The following PKD1L3 variants were observed in gnomAD, a reference collection of about 807,000 sequenced individuals.
PKD1L3 encodes polycystin-1-like protein 3.
A neutral mutation model predicts 184.1 loss-of-function variants in PKD1L3; 239 were observed. That is an observed-to-expected ratio of 1.30 (90% CI 1.17 to 1.45). The LOEUF (loss-of-function observed/expected upper bound fraction) is 1.45, where lower values mean the gene tolerates loss of function less well. PKD1L3 is among the 40% of genes most tolerant of loss of function. PKD1L3 has a pLI of 0.00. For missense variants in PKD1L3, 2,660 were observed against 2,067.2 expected (o/e 1.29, Z -5.56); for synonymous variants, 996 against 778.8 (o/e 1.28, Z -4.64).
At chr16:71,975,569 G>A (rs992829812) in intron 11 of PKD1L3, among the ~76,000 whole-genome samples, 4 of 152,044 alleles carry the variant, frequency 2.6e-5, no homozygotes, top group African/African-American at 9.7e-5. Context: ...AACTCATGGT[G>A]CTGTGAGCCT....
intron 10 of PKD1L3, 94 bp from the exon 11 acceptor site, chr16:71,977,561 T>TTCCTC (rs530356269): frequency 0.2 from 77,344 of 383,800 alleles, 2,895 homozygotes; most frequent in South Asian, 0.28. Flanking sequence ...GTCCTAGCTC[T>TTCCTC]TTTTTTTTTT....
chr16:71,939,811 T>A (rs1046241935), intron 24 of PKD1L3, among the ~76,000 whole-genome samples: 1 of 152,156 alleles, frequency 6.6e-6, no homozygotes, highest in Non-Finnish European at 1.5e-5. Flanking sequence ...GGGAACTGAA[T>A]GGACCAGTTT....
intron 7 of PKD1L3, among the ~76,000 whole-genome samples, chr16:71,980,725 C>T (rs577041350): frequency 5.3e-5 from 8 of 152,138 alleles, no homozygotes; most frequent in Non-Finnish European, 1.2e-4. Context: ...GTCTCAGCTA[C>T]TTGGGAGGCT....
In PKD1L3 at chr16:71,942,921, C is replaced by A; in HGVS notation, c.3963G>T (p.Gln1321His). The A allele has an allele frequency of 6.4e-7, 1 of 1,551,546 alleles. No homozygotes were observed. Among genetic ancestry groups the A allele is most frequent in the Admixed American group, 2.0e-5 (1 of 50,990 alleles). The change falls in exon 24 of 30, where the codon CAG (glutamine) becomes CAT (histidine). Residue 1321 changes from glutamine (Q) to histidine (H), a missense_variant. Coordinates refer to ENST00000620267, the MANE Select transcript of PKD1L3 (RefSeq NM_181536.2). ...HQAIWKTFSH[Q>H]FSEIKLLQDF... ...CCTGAAGAAGTTTGATTTCCGAGAA[C>A]TGGTGCGAAAATGTCTTCCAGATAG...
chr16:71,976,698 T>G (rs2039937738), intron 11 of PKD1L3, among the ~76,000 whole-genome samples: 1 of 152,182 alleles, frequency 6.6e-6, no homozygotes. Flanking sequence ...ACAGGAAGAT[T>G]GCTTGAAGCT....
chr16:71,939,414 G>A (rs548934136), intron 24 of PKD1L3, among the ~76,000 whole-genome samples: 101 of 152,316 alleles, frequency 6.6e-4, no homozygotes, highest in African/African-American at 1.1e-3. Context: ...AGGTGCTGCC[G>A]GCCACAGAGG....
intron 12 of PKD1L3, among the ~76,000 whole-genome samples, chr16:71,971,595 A>T (rs1233989052): frequency 6.6e-6 from 1 of 152,212 alleles, no homozygotes; most frequent in East Asian, 1.9e-4. Context: ...CTGTGCTGTG[A>T]GAGGAGAAAA....
intron 22 of PKD1L3, 35 bp from the exon 23 acceptor site, chr16:71,944,205 T>C (rs1356462260): frequency 6.6e-7 from 1 of 1,512,292 alleles, no homozygotes; most frequent in East Asian, 2.5e-5. Flanking sequence ...AAAGAAATGT[T>C]ATATTTCATT....
At chr16:71,992,869 C>T (rs976792212) in intron 3 of PKD1L3, among the ~76,000 whole-genome samples, 1 of 152,134 alleles carries the variant, frequency 6.6e-6, no homozygotes, top group Non-Finnish European at 1.5e-5. Context: ...TGCATCCTTC[C>T]CAAATAGTAC....
chr16:71,933,922 G>A lies in PKD1L3; in HGVS notation c.4817C>T (p.Ala1606Val). The A allele has an allele frequency of 6.4e-7, 1 of 1,551,236 alleles. No homozygotes were observed. The highest frequency in any genetic ancestry group is 8.7e-7 in the Non-Finnish European group (1 of 1,146,844). ...LIILILLTGY[A>V]IAFNLLFGCS... is the part of the protein sequence containing the mutation. ...AGCAACGTGGGGGCTTACGGCAATG[G>A]CATAGCCTGTCAGCAGGATTAGGAT... The change falls in exon 27 of 30, where the codon GCC (alanine) becomes GTC (valine). Residue 1606 changes from alanine to valine, a missense_variant. Transcript: ENST00000620267.
intron 4 of PKD1L3, among the ~76,000 whole-genome samples, chr16:71,989,580 A>G (rs888924867): frequency 2.0e-5 from 3 of 152,218 alleles, no homozygotes; most frequent in African/African-American, 7.2e-5. Context: ...ATGCTGAGAG[A>G]TTTCTTGAAG....
intron 16 of PKD1L3, among the ~76,000 whole-genome samples, chr16:71,956,184 A>ATTTTTTTTTTTTTTTTTTTTTTTT (rs35268514): frequency 1.2e-5 from 1 of 82,758 alleles, no homozygotes; most frequent in African/African-American, 5.4e-5. Context: ...AAAGGAAGGA[A>ATTTTTTTTTTTTTTTTTTTTTTTT]TTTTTTTTTT....
chr16:71,975,766 G>A (rs1019720095), intron 11 of PKD1L3, among the ~76,000 whole-genome samples: 15 of 151,994 alleles, frequency 9.9e-5, no homozygotes, highest in African/African-American at 2.9e-4. Context: ...TTATGGTCAC[G>A]TGTCTACACA....
At position 71,929,564 on chromosome 16, in the gene PKD1L3, T is replaced by A; in HGVS notation, c.5173A>T (p.Thr1725Ser). Residue 1725 changes from threonine to serine, a missense_variant, in exon 30 of 30, where the codon ACT becomes TCT. Transcript: ENST00000620267. ...QAATTAVGSD[T>S]EVLDELP ...TAAGGTAGTTCATCTAAAACTTCAGTGTCACTGCCCACTGCTGTCGTGGCT... is the reference window on the plus strand; with the variant it reads ...TAAGGTAGTTCATCTAAAACTTCAGAGTCACTGCCCACTGCTGTCGTGGCT... 6.4e-7 allele frequency: 1 copy of A among 1,551,158 alleles called. No individual in the cohort carries two copies. The highest frequency in any genetic ancestry group is 1.2e-5 in the South Asian group (1 of 83,866).
chr16:71,947,167 G>C (rs1251717320), intron 22 of PKD1L3, among the ~76,000 whole-genome samples: 1 of 152,110 alleles, frequency 6.6e-6, no homozygotes, highest in African/African-American at 2.4e-5. Context: ...TGAGACAGGA[G>C]AATCGCTTGA....
intron 24 of PKD1L3, 136 bp downstream of exon 24, chr16:71,942,423 TG>T (rs1322195502): frequency 1.5e-6 from 1 of 669,304 alleles, no homozygotes; most frequent in African/African-American, 1.8e-5. Flanking sequence ...CTTTTGGAGA[TG>T]TAAGTCTCCA....
chr16:71,935,496 T>G lies in PKD1L3; in HGVS notation c.4475A>C (p.Lys1492Thr), dbSNP rs1433462345. Residue 1492 changes from lysine to threonine, a missense_variant, in exon 26 of 30, where the codon AAG becomes ACG. Coordinates refer to ENST00000620267, the MANE Select transcript of PKD1L3 (RefSeq NM_181536.2). Reference protein sequence around the residue: ...FIQGCQLKQQKWRFFTGKRNI... With the variant: ...FIQGCQLKQQTWRFFTGKRNI... ...TCTTTTCCCAGTGAAGAACCTCCAC[T>G]TCTGCTGTTTCAGCTGACAACCCTA... is the stretch of plus-strand genomic sequence containing the variant. 6.4e-7 allele frequency: 1 copy of G among 1,552,206 alleles called. No individual in the cohort carries two copies. The highest frequency in any genetic ancestry group is 2.4e-5 in the East Asian group (1 of 40,928).
intron 2 of PKD1L3, among the ~76,000 whole-genome samples, chr16:71,996,335 G>C (rs544901155): frequency 3.1e-4 from 42 of 136,448 alleles, no homozygotes; most frequent in African/African-American, 7.1e-4. Flanking sequence ...AATCTTGGCT[G>C]ACTGCAACCT....
rs948676128 is a variant in PKD1L3 at position 71,988,223 on chromosome 16, C to T, written c.586-1754G>A. 3.3e-5 allele frequency among the ~76,000 whole-genome samples: 5 copies of T among 152,104 alleles called. No homozygotes were observed. The South Asian group carries it at 8.3e-4, about 25-fold the overall frequency. ...TTTTTTTTTTGTTTTGAAATCGTGT[C>T]TCCTTCTGTCACCCAGGCTGGAGTT... is the stretch of plus-strand genomic sequence containing the variant. On this transcript the variant is annotated intron_variant, in intron 4 of 29. Coordinates refer to ENST00000620267, the MANE Select transcript of PKD1L3 (RefSeq NM_181536.2).
Sources: allele counts gnomAD v4.1 joint callset (sites outside exome capture counted in the v4.1 genomes callset), GRCh38; gene constraint gnomAD v4.1.1; transcripts MANE v1.5; gene names NCBI Gene and HGNC (gene_info 2026-07-23, HGNC 2026-07-21).